The following ADD1 variants were observed in gnomAD, a reference collection of about 807,000 sequenced individuals.
ADD1 encodes alpha-adducin.
A neutral mutation model predicts 80.5 loss-of-function variants in ADD1; 24 were observed. The observed-to-expected ratio is 0.30, with a 90% CI of 0.22 to 0.42. The LOEUF is 0.42. Ranked by LOEUF, ADD1 falls within the 10% of genes least tolerant of loss-of-function variation. The pLI, the probability that ADD1 is intolerant of heterozygous loss-of-function variation, is 1.00. For missense variants in ADD1, 948 were observed against 1,019.0 expected (o/e 0.93, Z 0.95); for synonymous variants, 373 against 393.8 (o/e 0.95, Z 0.63).
At chr4:2,902,222 A>C (rs568497001) in intron 9 of ADD1, 3 of 152,302 alleles carry the variant, frequency 2.0e-5, no homozygotes, top group African/African-American at 7.2e-5. Flanking sequence ...AGTTGTGGAG[A>C]TTACTGAGTT....
intron 14 of ADD1, among the ~76,000 whole-genome samples, chr4:2,915,881 G>T (rs1012365): frequency 6.6e-6 from 1 of 151,996 alleles, no homozygotes; most frequent in South Asian, 2.1e-4. Context: ...TGTAAATGAC[G>T]ATGTGGAGGA....
intron 1 of ADD1, among the ~76,000 whole-genome samples, chr4:2,869,396 C>CGT (rs1390239896): frequency 6.6e-6 from 1 of 152,200 alleles, no homozygotes; most frequent in Non-Finnish European, 1.5e-5. Flanking sequence ...TCTCCCTGTG[C>CGT]GTGTCTCTTT....
At chr4:2,847,106 GAGA>G (rs1726345182) in intron 1 of ADD1, among the ~76,000 whole-genome samples, 1 of 151,740 alleles carries the variant, frequency 6.6e-6, no homozygotes, top group Non-Finnish European at 1.5e-5. Flanking sequence ...GACACGGAGC[GAGA>G]CTCCGTCTCA....
At chr4:2,902,274 G>C (rs577425943) in intron 9 of ADD1, 79 of 152,282 alleles carry the variant, frequency 5.2e-4, no homozygotes, top group African/African-American at 1.8e-3. Context: ...AATAAGAACT[G>C]TGTTTTTCTG....
chr4:2,859,682 G>T (rs1728568656), intron 1 of ADD1, among the ~76,000 whole-genome samples: 1 of 152,174 alleles, frequency 6.6e-6, no homozygotes, highest in African/African-American at 2.4e-5. Context: ...TTCCTTTTCG[G>T]AGTATGTAAG....
At chr4:2,890,940 G>C (rs193135718) in intron 4 of ADD1, among the ~76,000 whole-genome samples, 1 of 151,896 alleles carries the variant, frequency 6.6e-6, no homozygotes, top group East Asian at 1.9e-4. Flanking sequence ...GTTTTGTTTT[G>C]ACTGAGCTTA....
intron 2 of ADD1, among the ~76,000 whole-genome samples, chr4:2,879,934 C>T (rs940695273): frequency 2.6e-5 from 4 of 152,142 alleles, no homozygotes; most frequent in Admixed American, 2.0e-4. Flanking sequence ...AGGCTGGTCT[C>T]GAACTCCTGA....
intron 4 of ADD1, among the ~76,000 whole-genome samples, chr4:2,890,072 C>G (rs1350933786): frequency 6.6e-6 from 1 of 150,534 alleles, no homozygotes; most frequent in Non-Finnish European, 1.5e-5. Context: ...TGGCGCGCAC[C>G]TGTAATCCCA....
chr4:2,881,731 A>G (rs1201562081), intron 2 of ADD1, 167 bp from the exon 3 acceptor site: 11 of 462,316 alleles, frequency 2.4e-5, no homozygotes, highest in Non-Finnish European at 3.8e-5. Context: ...TACTTTCTAG[A>G]AAAGAATGTA....
intron 2 of ADD1, among the ~76,000 whole-genome samples, chr4:2,880,384 A>G (rs1379040542): frequency 6.9e-6 from 1 of 145,298 alleles, no homozygotes; most frequent in East Asian, 2.3e-4. Flanking sequence ...AGTAAATTTG[A>G]TGTGGATTAA....
intron 1 of ADD1, among the ~76,000 whole-genome samples, chr4:2,874,901 TATTA>T (rs1207128881): frequency 1.3e-5 from 2 of 152,136 alleles, no homozygotes; most frequent in East Asian, 3.9e-4. Flanking sequence ...TTAATTTGTG[TATTA>T]ATTCAATTCC....
intron 1 of ADD1, among the ~76,000 whole-genome samples, chr4:2,873,066 C>T (rs1730709500): frequency 6.6e-6 from 1 of 151,938 alleles, no homozygotes; most frequent in African/African-American, 2.4e-5. Flanking sequence ...TGACTCAGCT[C>T]ACTGCAAACT....
chr4:2,919,543 C>T (rs1577722915), intron 14 of ADD1, among the ~76,000 whole-genome samples: 1 of 152,322 alleles, frequency 6.6e-6, no homozygotes, highest in East Asian at 1.9e-4. Context: ...AGGGGTTTGA[C>T]TTCCTCCTGG....
At chr4:2,915,481 T>C (rs1239756521) in intron 14 of ADD1, among the ~76,000 whole-genome samples, 2 of 151,384 alleles carry the variant, frequency 1.3e-5, no homozygotes, top group Admixed American at 6.6e-5. Flanking sequence ...TCTAGGAAAA[T>C]AGAAAAAAAA....
intron 14 of ADD1, among the ~76,000 whole-genome samples, chr4:2,917,017 A>G (rs2109143907): frequency 6.6e-6 from 1 of 152,206 alleles, no homozygotes; most frequent in African/African-American, 2.4e-5. Flanking sequence ...TGTCTTTATC[A>G]TAGAATGTTT....
At chr4:2,856,996 TC>T (rs2108809726) in intron 1 of ADD1, among the ~76,000 whole-genome samples, 1 of 152,136 alleles carries the variant, frequency 6.6e-6, no homozygotes, top group African/African-American at 2.4e-5. Context: ...CACTGCAACC[TC>T]CACCTCCTGG....
chr4:2,911,503 G>A (rs1738045399), intron 13 of ADD1, among the ~76,000 whole-genome samples: 1 of 149,356 alleles, frequency 6.7e-6, no homozygotes, highest in South Asian at 2.1e-4. Flanking sequence ...CTGGAGTGTG[G>A]TCGGGCTGTC....
intron 1 of ADD1, among the ~76,000 whole-genome samples, chr4:2,874,994 A>T (rs934495473): frequency 9.9e-5 from 15 of 152,232 alleles, no homozygotes; most frequent in African/African-American, 3.6e-4. Flanking sequence ...TGGAAGGCCA[A>T]GGTGAGAGGA....
chr4:2,891,363 C>T (rs1734272872), intron 4 of ADD1, among the ~76,000 whole-genome samples: 1 of 152,000 alleles, frequency 6.6e-6, no homozygotes, highest in Admixed American at 6.6e-5. Flanking sequence ...AGGAGAATCG[C>T]TTGAACCCGG....
Sources: gnomAD v4.1 joint callset for allele counts (sites outside exome capture counted in the v4.1 genomes callset) on GRCh38, gnomAD v4.1.1 for gene constraint, MANE v1.5 for transcripts, NCBI Gene and HGNC (gene_info 2026-07-23, HGNC 2026-07-21) for gene names.